PIK3R5: variants seen among roughly 807,000 people sequenced by gnomAD.
The protein encoded by PIK3R5 is phosphoinositide-3-kinase regulatory subunit 5.
A neutral mutation model predicts 94.9 loss-of-function variants in PIK3R5; 32 were observed. That is an observed-to-expected ratio of 0.34 (90% confidence interval 0.25 to 0.45). PIK3R5 has a LOEUF of 0.45. Among genes scored for constraint, PIK3R5 ranks in the 20% least tolerant of loss-of-function variants. The pLI, the probability that PIK3R5 is intolerant of heterozygous loss-of-function variation, is 1.00. For missense variants in PIK3R5, 853 were observed against 1,144.6 expected, an observed-to-expected ratio of 0.75 and a Z score of 3.68; for synonymous variants, 443 against 479.4, an observed-to-expected ratio of 0.92 and a Z score of 0.99.
At chr17:8,957,152 G>A (rs2091478803) in intron 1 of PIK3R5, among the ~76,000 whole-genome samples, 1 of 152,152 alleles carries the variant, frequency 6.6e-6, no homozygotes, top group Non-Finnish European at 1.5e-5. Context: ...CCATGATTTA[G>A]AGAACTACAG....
chr17:8,961,820 C>T (rs1326395316), intron 1 of PIK3R5, among the ~76,000 whole-genome samples: 1 of 152,088 alleles, frequency 6.6e-6, no homozygotes, highest in African/African-American at 2.4e-5. Context: ...GACCCAGGAT[C>T]TTCTCTGTGC....
chr17:8,940,403 C>G (rs1190413216), intron 1 of PIK3R5, among the ~76,000 whole-genome samples: 7 of 42,086 alleles, frequency 1.7e-4, no homozygotes, highest in Non-Finnish European at 3.3e-4. Flanking sequence ...ACCGGCCATC[C>G]TCAAGAGCTC....
rs2089646159 is a variant in PIK3R5 at position 8,881,102 on chromosome 17, A to G, written c.2383-85T>C. The G allele has an allele frequency of 1.0e-6, 1 of 992,748 alleles. No individual in the cohort carries two copies. Among genetic ancestry groups the G allele is most frequent in the Non-Finnish European group, 1.6e-6 (1 of 619,386 alleles). The allele number at this position is 992,748 out of a possible 1,614,324, so 61.5% of individuals were successfully genotyped here. On this transcript the variant is annotated intron_variant, in intron 17 of 18. Coordinates refer to ENST00000447110, the MANE Select transcript of PIK3R5 (RefSeq NM_001142633.3). The surrounding 1 kb of genome is among the most constrained non-coding windows in gnomAD (Gnocchi z 4.8). ...GCAGTTCCTTTTCTCAGAACTGCCC[A>G]TCCACTTCTAGGGGTGTGGGAGGGC... is the stretch of plus-strand genomic sequence containing the variant.
chr17:8,889,295 C>A lies in PIK3R5; in HGVS notation c.812-73G>T, dbSNP rs1197634251. 4 of 1,139,342 alleles carry A rather than the reference C, an allele frequency of 3.5e-6. No individual in the cohort carries two copies. Among genetic ancestry groups the A allele is most frequent in the South Asian group, 2.7e-5 (2 of 73,062 alleles). The allele number at this position is 1,139,342 out of a possible 1,614,324, so 70.6% of individuals were successfully genotyped here. Reference sequence around the variant, plus strand: ...GAGATTGGCCAGTCCAGTCCCCTTGCCTTGGAGAAGAGACCAGAGATGGGA... The same window carrying A: ...GAGATTGGCCAGTCCAGTCCCCTTGACTTGGAGAAGAGACCAGAGATGGGA... On this transcript the variant is annotated intron_variant, in intron 8 of 18. Coordinates refer to ENST00000447110, the MANE Select transcript of PIK3R5 (RefSeq NM_001142633.3). This position sits in a 1 kb window ranked among gnomAD's most constrained non-coding sequence, Gnocchi z 4.1.
chr17:8,924,433 T>C (rs1053070067), intron 1 of PIK3R5, among the ~76,000 whole-genome samples: 3 of 152,092 alleles, frequency 2.0e-5, no homozygotes, highest in Admixed American at 6.6e-5. Flanking sequence ...AAGACAGATA[T>C]GAATATTTCA....
At chr17:8,922,459 C>G (rs550342587) in intron 1 of PIK3R5, among the ~76,000 whole-genome samples, 1 of 152,258 alleles carries the variant, frequency 6.6e-6, no homozygotes, top group South Asian at 2.1e-4. Context: ...CCTATGGTCA[C>G]AATTCCTATG....
At chr17:8,921,815 C>A (rs1323311234) in intron 1 of PIK3R5, among the ~76,000 whole-genome samples, 1 of 152,050 alleles carries the variant, frequency 6.6e-6, no homozygotes, top group African/African-American at 2.4e-5. Flanking sequence ...AGTGCTAAAA[C>A]TATAAAACTC....
rs1357899561 is a variant in PIK3R5 at position 8,889,540 on chromosome 17, T to C, written c.812-318A>G. On this transcript the variant is annotated intron_variant, in intron 8 of 18. Coordinates refer to ENST00000447110, the MANE Select transcript of PIK3R5 (RefSeq NM_001142633.3). This position sits in a 1 kb window ranked among gnomAD's most constrained non-coding sequence, Gnocchi z 4.1. ...GCCCAGAAGGTTTTTATGAGGAATATTGTAACAGGGAATGCTAATGGTTCC... is the reference window on the plus strand; with the variant it reads ...GCCCAGAAGGTTTTTATGAGGAATACTGTAACAGGGAATGCTAATGGTTCC... Among the ~76,000 whole-genome samples the C allele has an allele frequency of 1.3e-5, 2 of 152,126 alleles. No individual in the cohort carries two copies. Among genetic ancestry groups the C allele is most frequent in the African/African-American group, 4.8e-5 (2 of 41,408 alleles).
intron 1 of PIK3R5, among the ~76,000 whole-genome samples, chr17:8,957,041 G>A (rs2091477080): frequency 6.6e-6 from 1 of 152,130 alleles, no homozygotes; most frequent in South Asian, 2.1e-4. Context: ...TGAGCAAACT[G>A]CCCAGCTTTG....
chr17:8,911,461 G>T lies in PIK3R5; in HGVS notation c.34C>A (p.Arg12Ser). 6.3e-7 allele frequency: 1 copy of T among 1,599,780 alleles called. No homozygotes were observed. Among genetic ancestry groups the T allele is most frequent in the Non-Finnish European group, 8.5e-7 (1 of 1,179,832 alleles). The change falls in exon 2 of 19, where the codon CGC (arginine) becomes AGC (serine). Residue 12 changes from arginine to serine, a missense_variant. By Grantham distance (110) the Arg-to-Ser change is moderately radical. Around this residue, in one of 6 missense-constraint regions of PIK3R5, gnomAD observed 108 missense variants for 170.1 expected, o/e 0.63. Coordinates refer to ENST00000447110, the MANE Select transcript of PIK3R5 (RefSeq NM_001142633.3). This position sits in a 1 kb window ranked among gnomAD's most constrained non-coding sequence, Gnocchi z 5.3. ...CAGCGTTCCAGGGCATGCTGGATGCGGTCCTCCGTGCATGTCGTGGCCCCT... is the reference window on the plus strand; with the variant it reads ...CAGCGTTCCAGGGCATGCTGGATGCTGTCCTCCGTGCATGTCGTGGCCCCT... ...QPGATTCTED[R>S]IQHALERCLH...
intron 1 of PIK3R5, among the ~76,000 whole-genome samples, chr17:8,961,013 T>C (rs2091553884): frequency 6.6e-6 from 1 of 152,116 alleles, no homozygotes; most frequent in Non-Finnish European, 1.5e-5. Flanking sequence ...CTGGTCCCCC[T>C]GTAGGCCTGG....
chr17:8,960,455 G>A (rs950886219), intron 1 of PIK3R5, among the ~76,000 whole-genome samples: 2 of 152,336 alleles, frequency 1.3e-5, no homozygotes, highest in East Asian at 1.9e-4. Flanking sequence ...TGAGTTCCAC[G>A]GGGCAGGAAC....
chr17:8,944,810 T>A (rs1265732437), intron 1 of PIK3R5, among the ~76,000 whole-genome samples: 1 of 152,138 alleles, frequency 6.6e-6, no homozygotes, highest in Non-Finnish European at 1.5e-5. Context: ...TATCTAGCCA[T>A]CCTGGAACTT....
At chr17:8,950,075 G>T (rs1484510512) in intron 1 of PIK3R5, among the ~76,000 whole-genome samples, 1 of 152,150 alleles carries the variant, frequency 6.6e-6, no homozygotes, top group Admixed American at 6.5e-5. Flanking sequence ...TGACTAAAGA[G>T]GTAATAGAAG....
At chr17:8,933,987 A>G (rs1399403516) in intron 1 of PIK3R5, among the ~76,000 whole-genome samples, 2 of 152,238 alleles carry the variant, frequency 1.3e-5, no homozygotes, top group Non-Finnish European at 2.9e-5. Flanking sequence ...TACAGTTAAC[A>G]TCATACTTAA....
Position 8,955,795 on chromosome 17 carries a change from C to T in PIK3R5, c.-14+9801G>A, listed in dbSNP as rs2091457361. The stretch of plus-strand genomic sequence containing the variant: ...GGTTTCAAGGCTGGGAGTCTGGTTT[C>T]AGCAGAGACAGAAATGGGGAAGTCT... On this transcript the variant is annotated intron_variant, in intron 1 of 18. Transcript: ENST00000447110. The surrounding 1 kb of genome is among the most constrained non-coding windows in gnomAD (Gnocchi z 4.4). Among the ~76,000 whole-genome samples the T allele has an allele frequency of 2.0e-5, 3 of 152,172 alleles. No individual in the cohort carries two copies. In the South Asian group the frequency reaches 6.2e-4, roughly 32 times the overall value.
chr17:8,935,566 C>T lies in PIK3R5; in HGVS notation c.-13-24059G>A, dbSNP rs74380825. Among the ~76,000 whole-genome samples the T allele has an allele frequency of 0.047, 7,178 of 152,250 alleles. 194 individuals are homozygous for T. The highest frequency in any genetic ancestry group is 0.095 in the Middle Eastern group (28 of 294). The stretch of plus-strand genomic sequence containing the variant: ...TTCCCCGGAGCTGTTCCTAAGACCT[C>T]AGAGTACAAATACAGGATAATTTAT... On this transcript the variant is annotated intron_variant, in intron 1 of 18. Coordinates refer to ENST00000447110, the MANE Select transcript of PIK3R5 (RefSeq NM_001142633.3). This position sits in a 1 kb window ranked among gnomAD's most constrained non-coding sequence, Gnocchi z 4.5.
chr17:8,892,196 G>A lies in PIK3R5; in HGVS notation c.483-1284C>T, dbSNP rs1475227023. On this transcript the variant is annotated intron_variant, in intron 6 of 18. Coordinates refer to ENST00000447110, the MANE Select transcript of PIK3R5 (RefSeq NM_001142633.3). The surrounding 1 kb of genome is among the most constrained non-coding windows in gnomAD (Gnocchi z 4.3). ...ATTCCCTCCACACTCTGGGGACGTCGGTGCCCGGGGACAGGGCAGAGACAG... is the reference window on the plus strand; with the variant it reads ...ATTCCCTCCACACTCTGGGGACGTCAGTGCCCGGGGACAGGGCAGAGACAG... Among the ~76,000 whole-genome samples the A allele has an allele frequency of 6.6e-6, 1 of 152,116 alleles. No individual in the cohort carries two copies. The highest frequency in any genetic ancestry group is 1.5e-5 in the Non-Finnish European group (1 of 68,030).
chr17:8,882,115 G>A lies in PIK3R5; in HGVS notation c.2206-234C>T. Reference sequence around the variant, plus strand: ...AGCAGCCTCTGTGACCAGGTTGAAAGGTACAAGAGCTGAGAGCACCTGCAG... The same window carrying A: ...AGCAGCCTCTGTGACCAGGTTGAAAAGTACAAGAGCTGAGAGCACCTGCAG... On this transcript the variant is annotated intron_variant, in intron 15 of 18. Coordinates refer to ENST00000447110, the MANE Select transcript of PIK3R5 (RefSeq NM_001142633.3). The surrounding 1 kb of genome is among the most constrained non-coding windows in gnomAD (Gnocchi z 4.1). 1.8e-6 allele frequency: 1 copy of A among 548,414 alleles called. No individual in the cohort carries two copies. The highest frequency in any genetic ancestry group is 3.3e-6 in the Non-Finnish European group (1 of 304,366). 34.0% of individuals were successfully genotyped at this position (548,414 alleles called of 1,614,324 possible). A position where few individuals can be genotyped will look rare whatever the true frequency, so the allele number is the denominator to read the frequency against.
Sources: allele counts gnomAD v4.1 joint callset (sites outside exome capture counted in the v4.1 genomes callset), GRCh38; gene constraint gnomAD v4.1.1; regional missense constraint gnomAD v4.1.1; non-coding constraint Gnocchi (gnomAD v3.1); transcripts MANE v1.5; gene names NCBI Gene and HGNC (gene_info 2026-07-23, HGNC 2026-07-21).